Variants in BACH2 observed in about 807,000 individuals in gnomAD.
BACH2 encodes the protein BACH transcriptional regulator 2.
BACH2 carries 5 observed loss-of-function variants against 61.8 expected under a neutral mutation model. The ratio of observed to expected loss-of-function variants is 0.08; its 90% CI spans 0.04 to 0.17. The LOEUF (loss-of-function observed/expected upper bound fraction) is 0.17. BACH2 is among the 10% of genes least tolerant of loss of function. The pLI is 1.00. For synonymous variants in BACH2, 446 were observed against 440.1 expected, an observed-to-expected ratio of 1.01 and a Z score of -0.17; for missense variants, 824 against 1,091.1, an observed-to-expected ratio of 0.76 and a Z score of 3.45.
At chr6:90,181,661 A>G (rs761732480) in intron 4 of BACH2, among the ~76,000 whole-genome samples, 2 of 152,118 alleles carry the variant, frequency 1.3e-5, no homozygotes, top group Non-Finnish European at 2.9e-5. Flanking sequence ...AGCTCACTGC[A>G]GCCTCGATCA....
chr6:90,062,767 T>TC lies in BACH2; in HGVS notation c.-13+26193_-13+26194insG, dbSNP rs921436298. On this transcript the variant is annotated intron_variant, in intron 5 of 8. Coordinates refer to ENST00000257749, the MANE Select transcript of BACH2 (RefSeq NM_021813.4). ...TTTCCCTTCTCTCCAACTGTTTTTTTTTTTTCCCTAAAGTGTAGTGACCAG... is the reference window on the plus strand; with the variant it reads ...TTTCCCTTCTCTCCAACTGTTTTTTTCTTTTTCCCTAAAGTGTAGTGACCAG... 2.5e-4 allele frequency: 56 copies of TC among 224,934 alleles called. 1 individual carries two copies. The highest frequency in any genetic ancestry group is 4.0e-4 in the Non-Finnish European group (54 of 135,430). 13.9% of individuals were successfully genotyped at this position (224,934 alleles called of 1,614,324 possible).
At chr6:90,253,430 A>C (rs1024803309) in intron 2 of BACH2, among the ~76,000 whole-genome samples, 1 of 152,210 alleles carries the variant, frequency 6.6e-6, no homozygotes, top group Admixed American at 6.5e-5. Context: ...TGCCAAGTAA[A>C]CTGATAATTA....
chr6:89,962,823 A>C (rs957391457), intron 6 of BACH2, among the ~76,000 whole-genome samples: 1 of 152,224 alleles, frequency 6.6e-6, no homozygotes, highest in African/African-American at 2.4e-5. Flanking sequence ...GAGTTCTTGG[A>C]TATGACACCA....
chr6:90,070,995 T>C (rs879133019), intron 5 of BACH2, among the ~76,000 whole-genome samples: 2 of 152,320 alleles, frequency 1.3e-5, no homozygotes, highest in East Asian at 1.9e-4. Flanking sequence ...TGTTTGTTTT[T>C]TTGGGGGGAA....
At chr6:90,228,488 T>C (rs1703970840) in intron 3 of BACH2, among the ~76,000 whole-genome samples, 1 of 152,266 alleles carries the variant, frequency 6.6e-6, no homozygotes, top group South Asian at 2.1e-4. Context: ...ACGCCTGTAA[T>C]CCCAGCACTT....
At chr6:90,285,134 C>A (rs1771978170) in intron 1 of BACH2, among the ~76,000 whole-genome samples, 1 of 152,166 alleles carries the variant, frequency 6.6e-6, no homozygotes, top group African/African-American at 2.4e-5. Context: ...TTCACACTTT[C>A]CGATGAAAAT....
At chr6:90,109,890 G>C (rs913879044) in intron 4 of BACH2, among the ~76,000 whole-genome samples, 1 of 152,132 alleles carries the variant, frequency 6.6e-6, no homozygotes, top group African/African-American at 2.4e-5. Context: ...GTGGGTTATA[G>C]CTATTGATAT....
At chr6:90,295,714 G>C (rs1379355239) in intron 1 of BACH2, among the ~76,000 whole-genome samples, 2 of 152,066 alleles carry the variant, frequency 1.3e-5, no homozygotes, top group Non-Finnish European at 2.9e-5. Flanking sequence ...GGATCTGTGG[G>C]AGAGGAGGTG....
chr6:90,250,432 T>A (rs117795417), intron 3 of BACH2, among the ~76,000 whole-genome samples: 1 of 152,322 alleles, frequency 6.6e-6, no homozygotes, highest in Non-Finnish European at 1.5e-5. Flanking sequence ...AAAAATGGAT[T>A]TACCATTTAA....
chr6:89,960,893 G>A (rs1774705795), intron 6 of BACH2, among the ~76,000 whole-genome samples: 1 of 152,216 alleles, frequency 6.6e-6, no homozygotes, highest in Middle Eastern at 3.2e-3. Context: ...TATAATGGCT[G>A]AAACTGCCCC....
intron 6 of BACH2, among the ~76,000 whole-genome samples, chr6:89,983,039 G>A (rs1776044070): frequency 6.6e-6 from 1 of 152,198 alleles, no homozygotes; most frequent in South Asian, 2.1e-4. Flanking sequence ...CCATCACCCA[G>A]TTTCATTGGT....
chr6:90,021,284 T>A (rs1778356734), intron 5 of BACH2, among the ~76,000 whole-genome samples: 2 of 120,756 alleles, frequency 1.7e-5, no homozygotes, highest in African/African-American at 3.2e-5. Flanking sequence ...CAGGTAAAAG[T>A]ATAAAGCAAA....
intron 8 of BACH2, among the ~76,000 whole-genome samples, chr6:89,936,304 A>G (rs1464697535): frequency 6.6e-6 from 1 of 152,116 alleles, no homozygotes; most frequent in Non-Finnish European, 1.5e-5. Context: ...GTGATGCATA[A>G]CCTGACTCAT....
intron 5 of BACH2, among the ~76,000 whole-genome samples, chr6:90,073,778 T>C (rs1781351027): frequency 1.3e-5 from 2 of 152,294 alleles, no homozygotes; most frequent in African/African-American, 4.8e-5. Context: ...GCAAATTCAA[T>C]TAAAATTTCC....
At chr6:90,163,104 C>A (rs1173686629) in intron 4 of BACH2, among the ~76,000 whole-genome samples, 2 of 152,160 alleles carry the variant, frequency 1.3e-5, no homozygotes. Context: ...AAAGATGATG[C>A]ATACAAACAC....
Position 90,014,944 on chromosome 6 carries a change from A to ATTTTTT in BACH2, c.-12-6094_-12-6089dup, listed in dbSNP as rs386407909. 3.0e-3 allele frequency among the ~76,000 whole-genome samples: 406 copies of ATTTTTT among 133,624 alleles called. 10 individuals are homozygous for ATTTTTT. In the East Asian group the frequency reaches 0.07, roughly 23 times the overall value. 87.7% of individuals were successfully genotyped at this position (133,624 alleles called of 152,430 possible). Reference sequence around the variant, plus strand: ...ATAGGCCGTGCCACCATGTTCAGCTATTTTTTTTTTTTTTTTGTAAGAGAT... The same window carrying ATTTTTT: ...ATAGGCCGTGCCACCATGTTCAGCTATTTTTTTTTTTTTTTTTTTTTTGTAAGAGAT... On this transcript the variant is annotated intron_variant, in intron 5 of 8. Transcript: ENST00000257749.
intron 4 of BACH2, among the ~76,000 whole-genome samples, chr6:90,138,525 C>A (rs1287620773): frequency 1.3e-5 from 2 of 151,818 alleles, no homozygotes; most frequent in Non-Finnish European, 2.9e-5. Flanking sequence ...ATAAAATAAA[C>A]CAGCAGGGGG....
chr6:90,102,279 A>G (rs1782662867), intron 4 of BACH2, among the ~76,000 whole-genome samples: 1 of 151,540 alleles, frequency 6.6e-6, no homozygotes, highest in African/African-American at 2.4e-5. Flanking sequence ...AGTTCCTGGG[A>G]CTCCAGGATA....
chr6:90,217,815 C>G (rs907813892), intron 3 of BACH2, among the ~76,000 whole-genome samples: 4 of 151,774 alleles, frequency 2.6e-5, no homozygotes, highest in Admixed American at 2.0e-4. Context: ...AACATTAATA[C>G]TGTTTGCCAT....
Sources: allele counts gnomAD v4.1 joint callset (sites outside exome capture counted in the v4.1 genomes callset), GRCh38; gene constraint gnomAD v4.1.1; transcripts MANE v1.5; gene names NCBI Gene and HGNC (gene_info 2026-07-23, HGNC 2026-07-21).